The following ZBTB16 variants were observed in gnomAD, a reference collection of about 807,000 sequenced individuals.
ZBTB16 encodes zinc finger and BTB domain-containing protein 16.
A neutral mutation model predicts 56.8 loss-of-function variants in ZBTB16; 8 were observed. The ratio of observed to expected loss-of-function variants is 0.14; its 90% confidence interval spans 0.08 to 0.25. ZBTB16 has a LOEUF of 0.25. Ranked by LOEUF, ZBTB16 falls within the 10% of genes least tolerant of loss-of-function variation. ZBTB16 has a pLI of 1.00. For synonymous variants in ZBTB16, 363 were observed against 368.5 expected, an observed-to-expected ratio of 0.98 and a Z score of 0.17; for missense variants, 625 against 903.0, an observed-to-expected ratio of 0.69 and a Z score of 3.95.
At chr11:114,220,586 AC>A (rs776360461) in intron 4 of ZBTB16, among the ~76,000 whole-genome samples, 1 of 152,204 alleles carries the variant, frequency 6.6e-6, no homozygotes, top group Non-Finnish European at 1.5e-5. Flanking sequence ...GGGAAGCTCT[AC>A]CAGGGCAGGG....
chr11:114,100,803 G>C (rs1189901793), intron 2 of ZBTB16, among the ~76,000 whole-genome samples: 1 of 152,186 alleles, frequency 6.6e-6, no homozygotes, highest in African/African-American at 2.4e-5. Flanking sequence ...CGCAGGACCA[G>C]ACAGTGACTA....
At chr11:114,185,338 A>C (rs956799015) in intron 3 of ZBTB16, among the ~76,000 whole-genome samples, 3 of 152,196 alleles carry the variant, frequency 2.0e-5, no homozygotes, top group Non-Finnish European at 4.4e-5. Flanking sequence ...CTTGAAAATG[A>C]AGTGGGATTC....
In ZBTB16 at chr11:114,135,209, G is replaced by A. The variant is rs189758869; in HGVS notation, c.1269-21128G>A. On this transcript the variant is annotated intron_variant, in intron 2 of 6. Coordinates refer to ENST00000335953, the MANE Select transcript of ZBTB16 (RefSeq NM_006006.6). ...AGGAAGGTGACTTGTGAGTCCCTCC[G>A]TGGGACACTCCACCTCCTTATGGCA... Among the ~76,000 whole-genome samples the A allele has an allele frequency of 3.4e-4, 52 of 152,278 alleles. No individual in the cohort carries two copies. The East Asian group carries it at 7.7e-3, about 23-fold the overall frequency.
At chr11:114,120,669 G>A (rs1204818614) in intron 2 of ZBTB16, among the ~76,000 whole-genome samples, 1 of 152,182 alleles carries the variant, frequency 6.6e-6, no homozygotes, top group East Asian at 1.9e-4. Flanking sequence ...CACTTTCTCT[G>A]CGTGTCTTCG....
Position 114,250,537 on chromosome 11 carries a change from C to G in ZBTB16, c.2004C>G (p.Leu668=), listed in dbSNP as rs745894313. Residue 668 remains leucine (L), a synonymous_variant, in exon 7 of 7, where the codon CTC becomes CTG. Coordinates refer to ENST00000335953, the MANE Select transcript of ZBTB16 (RefSeq NM_006006.6). The surrounding 1 kb of genome is among the most constrained non-coding windows in gnomAD (Gnocchi z 6.0). ...ACTGGAGGATAGAGAAGACGTACCT[C>G]TACCTGTGCTATGTGTGAAGGGAGG... ...PPDWRIEKTY[L]YLCYV 6.2e-7 allele frequency: 1 copy of G among 1,613,988 alleles called. No individual in the cohort carries two copies.
intron 4 of ZBTB16, among the ~76,000 whole-genome samples, chr11:114,210,278 T>C (rs1427479152): frequency 6.6e-6 from 1 of 152,070 alleles, no homozygotes; most frequent in African/African-American, 2.4e-5. Flanking sequence ...TCAGGAAGCA[T>C]TATTCAAAAG....
intron 2 of ZBTB16, among the ~76,000 whole-genome samples, chr11:114,154,512 G>A (rs1942356109): frequency 6.6e-6 from 1 of 152,158 alleles, no homozygotes; most frequent in Non-Finnish European, 1.5e-5. Flanking sequence ...GTGTGTGTTT[G>A]CATGCACTCA....
chr11:114,180,055 C>T (rs997293506), intron 3 of ZBTB16, among the ~76,000 whole-genome samples: 3 of 152,206 alleles, frequency 2.0e-5, no homozygotes, highest in Non-Finnish European at 4.4e-5. Context: ...GGGAGAGCTG[C>T]TCCCACACAC....
At chr11:114,200,053 G>A (rs1395999393) in intron 4 of ZBTB16, among the ~76,000 whole-genome samples, 5 of 151,868 alleles carry the variant, frequency 3.3e-5, no homozygotes, top group Non-Finnish European at 4.4e-5. Flanking sequence ...GTGTGAACCC[G>A]GGAGGCGGAG....
At chr11:114,095,245 C>CTTTTT (rs745895999) in intron 2 of ZBTB16, among the ~76,000 whole-genome samples, 38 of 90,486 alleles carry the variant, frequency 4.2e-4, no homozygotes, top group African/African-American at 2.0e-3. Context: ...CTTTTCTTTT[C>CTTTTT]TTTTTTTTTT....
In ZBTB16 at chr11:114,205,510, G is replaced by C. The variant is rs375523305; in HGVS notation, c.1453+18472G>C. Among the ~76,000 whole-genome samples the C allele has an allele frequency of 3.0e-4, 45 of 152,264 alleles. No individual in the cohort carries two copies. In the South Asian group the frequency reaches 7.9e-3, roughly 27 times the overall value. On this transcript the variant is annotated intron_variant, in intron 4 of 6. Transcript: ENST00000335953. The stretch of plus-strand genomic sequence containing the variant: ...GACGCAATGTTCCCTGCCCCCAGTA[G>C]GAGAAGATCCATTACAGATTGGAAA...
chr11:114,087,060 G>A (rs1939979960), intron 2 of ZBTB16, among the ~76,000 whole-genome samples: 1 of 152,044 alleles, frequency 6.6e-6, no homozygotes, highest in Non-Finnish European at 1.5e-5. Context: ...TTTGAATCCT[G>A]ACATTGCCAC....
intron 4 of ZBTB16, among the ~76,000 whole-genome samples, chr11:114,211,921 T>C (rs1202043304): frequency 6.6e-6 from 1 of 152,224 alleles, no homozygotes; most frequent in Non-Finnish European, 1.5e-5. Context: ...CAGTGTCTAT[T>C]TACAGTGTAT....
At chr11:114,076,232 G>A (rs1289989518) in intron 2 of ZBTB16, among the ~76,000 whole-genome samples, 1 of 152,134 alleles carries the variant, frequency 6.6e-6, no homozygotes, top group Non-Finnish European at 1.5e-5. Context: ...TGGCATCGTT[G>A]ACAGCAGTTC....
intron 2 of ZBTB16, among the ~76,000 whole-genome samples, chr11:114,133,951 G>A (rs1415219359): frequency 6.6e-6 from 1 of 152,226 alleles, no homozygotes; most frequent in Non-Finnish European, 1.5e-5. Flanking sequence ...TCCCATGGAG[G>A]TGGGCTCAGT....
At chr11:114,142,187 T>C (rs1941967842) in intron 2 of ZBTB16, among the ~76,000 whole-genome samples, 1 of 152,218 alleles carries the variant, frequency 6.6e-6, no homozygotes, top group African/African-American at 2.4e-5. Flanking sequence ...TGGCAGGTTC[T>C]TGTGGCAGCG....
At chr11:114,237,542 C>G (rs982800163) in intron 4 of ZBTB16, among the ~76,000 whole-genome samples, 2 of 152,214 alleles carry the variant, frequency 1.3e-5, no homozygotes, top group Admixed American at 1.3e-4. Flanking sequence ...GCCGGGCCCC[C>G]CTGCCCCGCC....
chr11:114,218,019 G>C (rs945051763), intron 4 of ZBTB16, among the ~76,000 whole-genome samples: 1 of 152,198 alleles, frequency 6.6e-6, no homozygotes, highest in Non-Finnish European at 1.5e-5. Context: ...CTTGTGAACA[G>C]GGCCCTGGCC....
intron 4 of ZBTB16, among the ~76,000 whole-genome samples, chr11:114,207,590 A>AACAC (rs66489516): frequency 0.018 from 2,615 of 143,676 alleles, 31 homozygotes; most frequent in Middle Eastern, 0.038. Context: ...ACACACACAC[A>AACAC]ACACACACAC....
Sources: gnomAD v4.1 joint callset for allele counts (sites outside exome capture counted in the v4.1 genomes callset) on GRCh38, gnomAD v4.1.1 for gene constraint, Gnocchi (gnomAD v3.1) non-coding constraint, MANE v1.5 for transcripts, NCBI Gene and HGNC (gene_info 2026-07-23, HGNC 2026-07-21) for gene names.